Variants in SNED1 observed in about 807,000 individuals in gnomAD.
SNED1 encodes the protein sushi, nidogen and EGF like domains 1, also known as sushi, nidogen and EGF-like domain-containing protein 1.
In SNED1, 81 loss-of-function variants were observed where a neutral mutation model predicts 166.7. That is an observed-to-expected ratio of 0.49 (90% CI 0.41 to 0.58). The LOEUF (loss-of-function observed/expected upper bound fraction) is 0.58, where lower values mean the gene tolerates loss of function less well. SNED1 is among the 20% of genes least tolerant of loss of function. SNED1 has a pLI of 0.00. For missense variants in SNED1, 1,604 were observed against 2,000.2 expected, an observed-to-expected ratio of 0.80 and a Z score of 3.78; for synonymous variants, 762 against 822.0, an observed-to-expected ratio of 0.93 and a Z score of 1.25.
chr2:241,066,178 T>C (rs2062439935), intron 21 of SNED1, among the ~76,000 whole-genome samples: 1 of 152,126 alleles, frequency 6.6e-6, no homozygotes, highest in South Asian at 2.1e-4. Context: ...GAGGGGGTCC[T>C]AGGAGGAGCC....
At position 241,034,684 on chromosome 2, in the gene SNED1, C is replaced by G. The variant is rs980324490; in HGVS notation, c.759C>G (p.Phe253Leu). ...TNVGVPGRWA[F>L]RIDDAQVRVG... ...TGGGTGTGCCCGGGCGCTGGGCGTT[C>G]AGAATCGATGATGCCCAGGTGCGCG... Residue 253 changes from phenylalanine to leucine, a missense_variant, in exon 4 of 32, where the codon TTC (phenylalanine) becomes TTG (leucine). This residue lies in a region of SNED1 where 1,237 missense variants were observed against 1,620.8 expected (regional missense o/e 0.76). Transcript: ENST00000310397. 8 of 1,603,094 alleles carry G rather than the reference C, an allele frequency of 5.0e-6. No homozygotes were observed. In the Admixed American group the frequency reaches 8.5e-5, roughly 17 times the overall value.
rs773042335 is a variant in SNED1, at chr2:241,070,082, C to T, written c.3470C>T (p.Ala1157Val). The T allele has an allele frequency of 6.8e-6, 11 of 1,612,970 alleles. No homozygotes were observed. Among genetic ancestry groups the T allele is most frequent in the Non-Finnish European group, 9.3e-6 (11 of 1,179,894 alleles). ...KSRYVPNGKLASYTVRDLLPG... is the reference protein window; with the variant it reads ...KSRYVPNGKLVSYTVRDLLPG... ...CGCTATGTCCCCAACGGGAAGCTGGCGTCCTACACGGTGCGCGACCTGCTG... is the reference window on the plus strand; with the variant it reads ...CGCTATGTCCCCAACGGGAAGCTGGTGTCCTACACGGTGCGCGACCTGCTG... Residue 1157 changes from alanine (A) to valine (V), a missense_variant, in exon 24 of 32, where the codon GCG becomes GTG. Coordinates refer to ENST00000310397, the MANE Select transcript of SNED1 (RefSeq NM_001080437.3).
chr2:241,015,427 A>T (rs1296009794), intron 1 of SNED1, among the ~76,000 whole-genome samples: 2 of 152,174 alleles, frequency 1.3e-5, no homozygotes, highest in Admixed American at 1.3e-4. Flanking sequence ...ATAGAACTAT[A>T]ATTGATTTTT....
chr2:241,044,651 G>C (rs1027254501), intron 8 of SNED1, among the ~76,000 whole-genome samples: 1 of 152,186 alleles, frequency 6.6e-6, no homozygotes, highest in African/African-American at 2.4e-5. Context: ...AAGCCCTCTA[G>C]TCCAGCTTAA....
At chr2:241,026,594 AATCT>A (rs1317355659) in intron 1 of SNED1, among the ~76,000 whole-genome samples, 2 of 152,196 alleles carry the variant, frequency 1.3e-5, no homozygotes, top group Non-Finnish European at 2.9e-5. Flanking sequence ...TCCACTCTTC[AATCT>A]ATCCAGTTAG....
chr2:241,039,527 C>A (rs994329170), intron 6 of SNED1, among the ~76,000 whole-genome samples: 9 of 152,058 alleles, frequency 5.9e-5, no homozygotes, highest in Admixed American at 2.6e-4. Context: ...GGGCCAGCAT[C>A]CGGTGAGGAG....
At chr2:241,052,182 A>T in intron 14 of SNED1, 25 bp downstream of exon 14, 1 of 1,589,198 alleles carries the variant, frequency 6.3e-7, no homozygotes, top group South Asian at 1.1e-5. Flanking sequence ...AGGCCAGGCC[A>T]GGGCGGCCAG....
chr2:241,029,840 C>G (rs78982203), intron 1 of SNED1, among the ~76,000 whole-genome samples: 56,026 of 152,056 alleles, frequency 0.37, 10,666 homozygotes, highest in African/African-American at 0.44. Flanking sequence ...CCGAAGCCCA[C>G]CTTGTGTGAC....
chr2:241,062,523 A>C (rs1315220000), intron 16 of SNED1, among the ~76,000 whole-genome samples: 2 of 152,150 alleles, frequency 1.3e-5, no homozygotes, highest in African/African-American at 4.8e-5. Context: ...GTCGGCCTGA[A>C]CCACTGGAAT....
chr2:241,065,104 T>C, intron 20 of SNED1, 147 bp downstream of exon 20: 1 of 815,254 alleles, frequency 1.2e-6, no homozygotes, highest in Non-Finnish European at 1.9e-6. Flanking sequence ...AATCCCCCGG[T>C]GGGCTTGAAA....
rs572508148 is a variant in SNED1 at position 241,073,509 on chromosome 2, G to T, written c.3916+145G>T. On this transcript the variant is annotated intron_variant, in intron 27 of 31. Coordinates refer to ENST00000310397, the MANE Select transcript of SNED1 (RefSeq NM_001080437.3). This position sits in a 1 kb window ranked among gnomAD's most constrained non-coding sequence, Gnocchi z 6.6. Reference sequence around the variant, plus strand: ...GGGGAGGCTGAGCACCAGGCACCCCGGTGTGGGAAGATGGGGTGAAGCTAC... The same window carrying T: ...GGGGAGGCTGAGCACCAGGCACCCCTGTGTGGGAAGATGGGGTGAAGCTAC... 10 of 703,674 alleles carry T rather than the reference G, an allele frequency of 1.4e-5. No homozygotes were observed. The highest frequency in any genetic ancestry group is 2.3e-5 in the Non-Finnish European group (9 of 389,960). The allele number at this position is 703,674 out of a possible 1,614,324, so 43.6% of individuals were successfully genotyped here. A position where few individuals can be genotyped will look rare whatever the true frequency, so the allele number is the denominator to read the frequency against.
rs149369256 is a variant in SNED1, at chr2:241,069,040, G to A, written c.3307+17G>A. 3.0e-5 allele frequency: 46 copies of A among 1,520,258 alleles called. 1 individual carries two copies. The highest frequency in any genetic ancestry group is 3.4e-4 in the Middle Eastern group (2 of 5,810). The allele number at this position is 1,520,258 out of a possible 1,614,324, so 94.2% of individuals were successfully genotyped here. A position where few individuals can be genotyped will look rare whatever the true frequency, so the allele number is the denominator to read the frequency against. ...TGTGGACCCGTGAGTAGAGCAGCGC[G>A]GCCCCCGGCACACGAAAGGCCGTCT... On this transcript the variant is annotated intron_variant, in intron 23 of 31. Coordinates refer to ENST00000310397, the MANE Select transcript of SNED1 (RefSeq NM_001080437.3). This position sits in a 1 kb window ranked among gnomAD's most constrained non-coding sequence, Gnocchi z 4.9.
intron 1 of SNED1, among the ~76,000 whole-genome samples, chr2:241,026,050 C>T (rs1480330900): frequency 1.0e-5 from 1 of 100,424 alleles, no homozygotes; most frequent in African/African-American, 3.8e-5. Context: ...GAGTCTTGCT[C>T]TGTCACCCAG....
chr2:241,067,496 C>CT (rs1306797857), intron 21 of SNED1, among the ~76,000 whole-genome samples: 4 of 152,246 alleles, frequency 2.6e-5, no homozygotes, highest in Admixed American at 6.5e-5. Context: ...TAAATGGAGA[C>CT]TAAGACCCCT....
chr2:241,060,113 GC>G (rs1227138133), intron 16 of SNED1, among the ~76,000 whole-genome samples: 1 of 151,974 alleles, frequency 6.6e-6, no homozygotes, highest in Non-Finnish European at 1.5e-5. Context: ...TACATTAATA[GC>G]ATCAAAAACA....
chr2:241,094,510 C>G lies in SNED1; in HGVS notation c.*2874C>G, dbSNP rs1367915611. On this transcript the variant is annotated 3_prime_UTR_variant, in exon 32 of 32. Coordinates refer to ENST00000310397, the MANE Select transcript of SNED1 (RefSeq NM_001080437.3). This position sits in a 1 kb window ranked among gnomAD's most constrained non-coding sequence, Gnocchi z 4.3. The stretch of plus-strand genomic sequence containing the variant: ...GCAGCTCACACCTACCAGGGGTATT[C>G]CAGTGCATAGGGGAAAGGAACCCGG... The G allele has an allele frequency of 7.1e-6, 3 of 424,906 alleles. No homozygotes were observed. The highest frequency in any genetic ancestry group is 6.2e-5 in the African/African-American group (3 of 48,358). The allele number at this position is 424,906 out of a possible 1,614,324, so 26.3% of individuals were successfully genotyped here.
rs555723219 is a variant in SNED1, at chr2:241,031,257, C to A, written c.501+686C>A. Among the ~76,000 whole-genome samples the A allele has an allele frequency of 5.4e-4, 83 of 152,302 alleles. 1 individual carries two copies. In the Middle Eastern group the frequency reaches 0.014, roughly 25 times the overall value. On this transcript the variant is annotated intron_variant, in intron 2 of 31. Transcript: ENST00000310397. ...TCAGCTCACTGCAACCTCCACCTCC[C>A]AGGTTCAAGCCATTCTCCTGCCTCA...
intron 2 of SNED1, among the ~76,000 whole-genome samples, chr2:241,032,114 C>T (rs903212343): frequency 2.6e-5 from 4 of 152,136 alleles, no homozygotes; most frequent in Non-Finnish European, 1.5e-5. Context: ...CTTTGGGAGG[C>T]CAAGTCAGAG....
chr2:241,069,191 C>T lies in SNED1; in HGVS notation c.3307+168C>T, dbSNP rs2062595401. Among the ~76,000 whole-genome samples the T allele has an allele frequency of 6.6e-6, 1 of 152,212 alleles. No homozygotes were observed. The stretch of plus-strand genomic sequence containing the variant: ...GGGCCACTGGGCAGGAGCCGCTGGG[C>T]TGGGCTGGGCCCTTGTGCTGGGACA... On this transcript the variant is annotated intron_variant, in intron 23 of 31. Coordinates refer to ENST00000310397, the MANE Select transcript of SNED1 (RefSeq NM_001080437.3). This position sits in a 1 kb window ranked among gnomAD's most constrained non-coding sequence, Gnocchi z 4.9.
Sources: gnomAD v4.1 joint callset for allele counts (sites outside exome capture counted in the v4.1 genomes callset) on GRCh38, gnomAD v4.1.1 for gene constraint, gnomAD v4.1.1 regional missense constraint, Gnocchi (gnomAD v3.1) non-coding constraint, MANE v1.5 for transcripts, NCBI Gene and HGNC (gene_info 2026-07-23, HGNC 2026-07-21) for gene names.